The following GABRE variants were observed in gnomAD, a reference collection of about 807,000 sequenced individuals.
GABRE encodes gamma-aminobutyric acid receptor subunit epsilon.
GABRE carries 20 observed loss-of-function variants against 31.0 expected under a neutral mutation model. The observed-to-expected ratio is 0.64, with a 90% confidence interval of 0.45 to 0.94. The LOEUF is 0.94. GABRE is among the 40% of genes least tolerant of loss of function. The probability of loss-of-function intolerance (pLI) is 0.00; values close to 1 mark genes in which losing one functional copy is unlikely to be tolerated. For synonymous variants in GABRE, 155 were observed against 150.6 expected, an observed-to-expected ratio of 1.03 and a Z score of -0.21; for missense variants, 420 against 410.7, an observed-to-expected ratio of 1.02 and a Z score of -0.20.
intron 6 of GABRE, 175 bp from the exon 7 acceptor site, chrX:151,956,035 A>C: frequency 2.1e-6 from 1 of 467,765 alleles, no homozygotes; most frequent in Non-Finnish European, 3.6e-6. Context: ...AAAAAGACTT[A>C]CTGCAAGACC....
Position 151,954,681 on chromosome X carries a change from C to A in GABRE, c.*20G>T. ...TCCTGGGGAACTGGAGAGGTTGCCC[C>A]ACAGGGTACCAGCTGGTACCTACAA... is the stretch of plus-strand genomic sequence containing the variant. On this transcript the variant is annotated 3_prime_UTR_variant, in exon 9 of 9. Transcript: ENST00000370328. 1 of 1,144,033 alleles carries A rather than the reference C, an allele frequency of 8.7e-7. No individual in the cohort carries two copies. 94.3% of individuals were successfully genotyped at this position (1,144,033 alleles called of 1,213,427 possible). A position where few individuals can be genotyped will look rare whatever the true frequency, so the allele number is the denominator to read the frequency against.
At chrX:151,957,908 A>G (rs939518871) in intron 6 of GABRE, 1 of 129,670 alleles carries the variant, frequency 7.7e-6, no homozygotes, top group Admixed American at 8.0e-5. Context: ...ATGGACCCAA[A>G]GCTTTGAAGA....
rs192354268 is a variant in GABRE, at chrX:151,966,294, T to A, written c.342+3375A>T. ...ATAATTACCACAGCAAGAAAAAGCGTTAGCAACTATCGATGCTATGATGGG... is the reference window on the plus strand; with the variant it reads ...ATAATTACCACAGCAAGAAAAAGCGATAGCAACTATCGATGCTATGATGGG... On this transcript the variant is annotated intron_variant, in intron 3 of 8. Transcript: ENST00000370328. 3.0e-3 allele frequency among the ~76,000 whole-genome samples: 334 copies of A among 112,071 alleles called. 3 individuals are homozygous for A. The highest frequency in any genetic ancestry group is 4.7e-3 in the Admixed American group (50 of 10,593).
intron 5 of GABRE, 84 bp from the exon 6 acceptor site, chrX:151,960,060 A>C: frequency 1.1e-6 from 1 of 930,515 alleles, no homozygotes; most frequent in Admixed American, 2.5e-5. Context: ...AGCCTGCACA[A>C]TGCCTTGGAG....
At chrX:151,962,123 T>C (rs1673129380) in intron 4 of GABRE, among the ~76,000 whole-genome samples, 1 of 112,010 alleles carries the variant, frequency 8.9e-6, no homozygotes, top group African/African-American at 3.3e-5. Context: ...AGGATGGAAT[T>C]GTCTAGATAA....
At position 151,974,643 on chromosome X, in the gene GABRE, C is replaced by G; in HGVS notation, c.-18G>C. 5 of 1,144,617 alleles carry G rather than the reference C, an allele frequency of 4.4e-6. No homozygotes were observed. In the East Asian group the frequency reaches 1.3e-4, roughly 30 times the overall value. The allele number at this position is 1,144,617 out of a possible 1,213,427, so 94.3% of individuals were successfully genotyped here. A position where few individuals can be genotyped will look rare whatever the true frequency, so the allele number is the denominator to read the frequency against. On this transcript the variant is annotated 5_prime_UTR_variant, in exon 1 of 9. Transcript: ENST00000370328. ...GACAACATTTCCGCGGAGACCGGCG[C>G]GACCACCTGCGCGGAGGTCGCGGCT...
intron 3 of GABRE, 127 bp from the exon 4 acceptor site, chrX:151,962,770 C>G: frequency 3.7e-6 from 2 of 541,467 alleles, no homozygotes; most frequent in South Asian, 5.5e-5. Context: ...GCATTGAGCA[C>G]TAGACCAGGA....
In GABRE at chrX:151,955,540, G is replaced by A. The variant is rs1934134823; in HGVS notation, c.965C>T (p.Thr322Met). 2 of 1,211,702 alleles carry A rather than the reference G, an allele frequency of 1.7e-6. No individual in the cohort carries two copies. Among genetic ancestry groups the A allele is most frequent in the South Asian group, 1.8e-5 (1 of 57,012 alleles). ...LGITSVLTMTTLGTFSRKNFP... is the reference protein window; with the variant it reads ...LGITSVLTMTMLGTFSRKNFP... ...ATTCTTACGAGAAAAGGTGCCCAAC[G>A]TGGTCATGGTCAGAACAGAGGTGAT... The change falls in exon 8 of 9, where the codon ACG becomes ATG. Residue 322 changes from threonine to methionine, a missense_variant. Transcript: ENST00000370328.
chrX:151,957,804 T>C, intron 6 of GABRE: 1 of 213,319 alleles, frequency 4.7e-6, no homozygotes, highest in Non-Finnish European at 8.6e-6. Context: ...GCTCAAACTC[T>C]TATCCTCTTT....
rs995182662 is a variant in GABRE, at chrX:151,967,673, G to A, written c.342+1996C>T. 1.8e-4 allele frequency among the ~76,000 whole-genome samples: 20 copies of A among 112,677 alleles called. No individual in the cohort carries two copies. In the Middle Eastern group the frequency reaches 0.014, roughly 79 times the overall value. On this transcript the variant is annotated intron_variant, in intron 3 of 8. Coordinates refer to ENST00000370328, the MANE Select transcript of GABRE (RefSeq NM_004961.4). The stretch of plus-strand genomic sequence containing the variant: ...GACTACAATTCTCATAGTGGTAAAC[G>A]CACTGGTAGCAGCAAAAAGTAAATC...
At chrX:151,958,168 C>T (rs1335672738) in intron 6 of GABRE, 1 of 140,720 alleles carries the variant, frequency 7.1e-6, no homozygotes, top group African/African-American at 3.2e-5. Flanking sequence ...CCTTGTAAGA[C>T]AGTGAATTCC....
At chrX:151,957,321 A>G (rs1934203213) in intron 6 of GABRE, 1 of 246,560 alleles carries the variant, frequency 4.1e-6, no homozygotes, top group Non-Finnish European at 7.6e-6. Context: ...AGCTTCTCAG[A>G]TTCTTCTGGA....
At chrX:151,958,630 A>G (rs781374253) in intron 6 of GABRE, 2 of 377,809 alleles carry the variant, frequency 5.3e-6, no homozygotes, top group African/African-American at 2.6e-5. Flanking sequence ...ATCATCTACT[A>G]AACGGAACCA....
intron 1 of GABRE, chrX:151,972,446 A>C: frequency 1.3e-6 from 1 of 754,078 alleles, no homozygotes; most frequent in South Asian, 6.8e-5. Flanking sequence ...ATGTGGCTGG[A>C]AACGTGGCAC....
chrX:151,960,672 G>A (rs1419468078), intron 5 of GABRE, among the ~76,000 whole-genome samples: 1 of 112,108 alleles, frequency 8.9e-6, no homozygotes, highest in Non-Finnish European at 1.9e-5. Context: ...CCTTCTGTGA[G>A]GACAACATGT....
intron 3 of GABRE, among the ~76,000 whole-genome samples, chrX:151,965,589 C>T (rs1221534665): frequency 1.8e-5 from 2 of 112,637 alleles, no homozygotes; most frequent in Non-Finnish European, 3.7e-5. Context: ...CAGCCTGGCC[C>T]TGGGATGGCT....
At chrX:151,969,590 C>A (rs760884657) in intron 3 of GABRE, 79 bp downstream of exon 3, 50 of 969,870 alleles carry the variant, frequency 5.2e-5, no homozygotes, top group Non-Finnish European at 6.9e-5. Context: ...AAGTACAGAG[C>A]AGAAAGCAGA....
In GABRE at chrX:151,955,557, A is replaced by G. The variant is rs1351276726; in HGVS notation, c.948T>C (p.Ser316=). Reference sequence around the variant, plus strand: ...TGCCCAACGTGGTCATGGTCAGAACAGAGGTGATCCCTGCAAGAGCACAAG... The same window carrying G: ...TGCCCAACGTGGTCATGGTCAGAACGGAGGTGATCCCTGCAAGAGCACAAG... The part of the protein sequence containing the change: ...APARTSLGIT[S]VLTMTTLGTF... Residue 316 remains serine (S), a synonymous_variant, in exon 8 of 9, where the codon TCT becomes TCC. Transcript: ENST00000370328. 2 of 1,211,448 alleles carry G rather than the reference A, an allele frequency of 1.7e-6. No individual in the cohort carries two copies. Among genetic ancestry groups the G allele is most frequent in the Non-Finnish European group, 2.2e-6 (2 of 894,851 alleles).
At chrX:151,969,209 G>A (rs914056870) in intron 3 of GABRE, among the ~76,000 whole-genome samples, 3 of 111,427 alleles carry the variant, frequency 2.7e-5, no homozygotes, top group African/African-American at 9.8e-5. Flanking sequence ...GGCCAACTTA[G>A]TAGGTGGAGT....
Sources: allele counts gnomAD v4.1 joint callset (sites outside exome capture counted in the v4.1 genomes callset), GRCh38; gene constraint gnomAD v4.1.1; transcripts MANE v1.5; gene names NCBI Gene and HGNC (gene_info 2026-07-23, HGNC 2026-07-21).